Variants in CXCL9 observed in about 807,000 individuals in gnomAD.
CXCL9 encodes the protein C-X-C motif chemokine ligand 9.
In CXCL9, 8 loss-of-function variants were observed where a neutral mutation model predicts 11.7. The observed-to-expected ratio is 0.68, with a 90% CI of 0.40 to 1.23. The LOEUF is 1.23. CXCL9 is among the 50% of genes most tolerant of loss of function. The pLI, the probability that CXCL9 is intolerant of heterozygous loss-of-function variation, is 0.01. For synonymous variants in CXCL9, 43 were observed against 48.2 expected (o/e 0.89, Z 0.45); for missense variants, 133 against 141.7 (o/e 0.94, Z 0.31).
Position 76,006,148 on chromosome 4 carries a change from A to G in CXCL9, c.191T>C (p.Ile64Thr), listed in dbSNP as rs781486748. 29 of 1,612,900 alleles carry G rather than the reference A, an allele frequency of 1.8e-5. No homozygotes were observed. The highest frequency in any genetic ancestry group is 2.3e-5 in the Non-Finnish European group (27 of 1,179,198). The change falls in exon 2 of 4, where the codon ATT becomes ACT. Residue 64 changes from isoleucine (I) to threonine (T), a missense_variant and splice_region_variant. By Grantham distance (89) the Ile-to-Thr change is moderately conservative (BLOSUM62 -1). Coordinates refer to ENST00000264888, the MANE Select transcript of CXCL9 (RefSeq NM_002416.3). ...PSPSCEKIEI[I>T]ATLKNGVQTC... ...GCATGTTAGCTGGGTTGTTACTTAC[A>G]TGATTTCAATTTTCTCGCAGGAAGG...
Position 76,002,676 on chromosome 4 carries a change from T to C in CXCL9, c.*922A>G. ...TAAACACCCAAGAATTAGTTAACCA[T>C]TGAGTGTTCACCCATGTGGTACTGA... On this transcript the variant is annotated 3_prime_UTR_variant, in exon 4 of 4. Transcript: ENST00000264888. 3.6e-6 allele frequency: 1 copy of C among 274,588 alleles called. No individual in the cohort carries two copies. The highest frequency in any genetic ancestry group is 6.8e-6 in the Non-Finnish European group (1 of 148,106). 17.0% of individuals were successfully genotyped at this position (274,588 alleles called of 1,614,324 possible).
At chr4:76,007,284 A>C in intron 1 of CXCL9, 102 bp downstream of exon 1, 1 of 785,144 alleles carries the variant, frequency 1.3e-6, no homozygotes. Context: ...ACCAAATATT[A>C]CTCTTCAATG....
chr4:76,006,372 CTA>C, intron 1 of CXCL9, 98 bp from the exon 2 acceptor site: 3 of 1,228,504 alleles, frequency 2.4e-6, no homozygotes. Flanking sequence ...ATGATTATTG[CTA>C]TCATTTACCG....
chr4:76,006,528 G>C (rs184550903), intron 1 of CXCL9, among the ~76,000 whole-genome samples: 207 of 152,318 alleles, frequency 1.4e-3, no homozygotes, highest in African/African-American at 4.7e-3. Context: ...AGATCTCTCT[G>C]AGTCCAAAGG....
Position 76,003,224 on chromosome 4 carries a change from T to A in CXCL9, c.*374A>T, listed in dbSNP as rs1731510518. The A allele has an allele frequency of 5.6e-6, 1 of 179,560 alleles. No individual in the cohort carries two copies. Among genetic ancestry groups the A allele is most frequent in the African/African-American group, 2.4e-5 (1 of 41,900 alleles). The allele number at this position is 179,560 out of a possible 1,614,324, so 11.1% of individuals were successfully genotyped here. A position where few individuals can be genotyped will look rare whatever the true frequency, so the allele number is the denominator to read the frequency against. On this transcript the variant is annotated 3_prime_UTR_variant, in exon 4 of 4. Coordinates refer to ENST00000264888, the MANE Select transcript of CXCL9 (RefSeq NM_002416.3). Reference sequence around the variant, plus strand: ...AACAGGCTTAGGACTTGCTGACATGTGCCTCAGATACTCTCTGGAGGCTGC... The same window carrying A: ...AACAGGCTTAGGACTTGCTGACATGAGCCTCAGATACTCTCTGGAGGCTGC...
Position 76,003,500 on chromosome 4 carries a change from T to C in CXCL9, c.*98A>G, listed in dbSNP as rs1731515815. 3.1e-6 allele frequency: 2 copies of C among 647,514 alleles called. No individual in the cohort carries two copies. The highest frequency in any genetic ancestry group is 2.7e-6 in the Non-Finnish European group (1 of 375,310). 40.1% of individuals were successfully genotyped at this position (647,514 alleles called of 1,614,324 possible). Reference sequence around the variant, plus strand: ...GTTTTAAATTTTCTAGTCAAATTAATAAGCCTTTGTATTATATGCCATCCT... The same window carrying C: ...GTTTTAAATTTTCTAGTCAAATTAACAAGCCTTTGTATTATATGCCATCCT... On this transcript the variant is annotated 3_prime_UTR_variant, in exon 4 of 4. Coordinates refer to ENST00000264888, the MANE Select transcript of CXCL9 (RefSeq NM_002416.3).
intron 1 of CXCL9, among the ~76,000 whole-genome samples, chr4:76,007,165 C>T (rs1459627282): frequency 6.6e-6 from 1 of 152,118 alleles, no homozygotes; most frequent in Non-Finnish European, 1.5e-5. Context: ...TTATTGAACA[C>T]TTACTAGGAA....
At chr4:76,005,959 G>A (rs1731577537) in intron 2 of CXCL9, 189 bp downstream of exon 2, 1 of 505,954 alleles carries the variant, frequency 2.0e-6, no homozygotes. Context: ...TCATTCTTGG[G>A]GCCTAATCTA....
chr4:76,005,218 T>A (rs1731562659), intron 2 of CXCL9: 1 of 175,932 alleles, frequency 5.7e-6, no homozygotes, highest in Admixed American at 6.3e-5. Flanking sequence ...AGCTAATTTT[T>A]GTATTTTTAG....
intron 2 of CXCL9, 200 bp downstream of exon 2, chr4:76,005,948 G>A (rs377389170): frequency 7.6e-5 from 36 of 475,236 alleles, no homozygotes; most frequent in African/African-American, 6.5e-4. Context: ...ATAAACATGT[G>A]TCATTCTTGG....
intron 3 of CXCL9, among the ~76,000 whole-genome samples, chr4:76,004,194 T>G (rs982753161): frequency 6.6e-6 from 1 of 152,176 alleles, no homozygotes; most frequent in Admixed American, 6.5e-5. Flanking sequence ...GATCTACTTT[T>G]CTGCCTCAGT....
At chr4:76,004,708 A>G in intron 3 of CXCL9, 101 bp downstream of exon 3, 2 of 1,394,626 alleles carry the variant, frequency 1.4e-6, no homozygotes, top group Non-Finnish European at 1.9e-6. Context: ...ATGTATTCTT[A>G]AAAGTTATGT....
At position 76,007,504 on chromosome 4, in the gene CXCL9, T is replaced by C; in HGVS notation, c.-55A>G. The C allele has an allele frequency of 1.0e-6, 1 of 957,722 alleles. No individual in the cohort carries two copies. The highest frequency in any genetic ancestry group is 2.4e-5 in the East Asian group (1 of 41,970). 59.3% of individuals were successfully genotyped at this position (957,722 alleles called of 1,614,324 possible). The stretch of plus-strand genomic sequence containing the variant: ...TGTATTGGATTTTGAGCCTGAGAAA[T>C]TCTTTAGAGAACACATTTTGGGGAT... On this transcript the variant is annotated 5_prime_UTR_variant, in exon 1 of 4. Transcript: ENST00000264888.
At chr4:76,004,428 C>T (rs572582234) in intron 3 of CXCL9, among the ~76,000 whole-genome samples, 18 of 152,306 alleles carry the variant, frequency 1.2e-4, no homozygotes, top group East Asian at 7.7e-4. Flanking sequence ...TCCTCTATGT[C>T]GTCAAGATTC....
At chr4:76,004,779 A>G (rs532901786) in intron 3 of CXCL9, 30 bp downstream of exon 3, 1 of 1,583,960 alleles carries the variant, frequency 6.3e-7, no homozygotes, top group African/African-American at 1.4e-5. Flanking sequence ...TTCTAAAAGA[A>G]AGAAAATTTT....
intron 3 of CXCL9, 78 bp from the exon 4 acceptor site, chr4:76,003,777 C>A: frequency 1.2e-6 from 1 of 838,190 alleles, no homozygotes; most frequent in Admixed American, 2.0e-5. Context: ...CTCTCCTGAT[C>A]ATTGTCTCAT....
In CXCL9 at chr4:76,002,429, ATAAG is replaced by A. The variant is rs1731484308; in HGVS notation, c.*1165_*1168del. 3 of 398,490 alleles carry A rather than the reference ATAAG, an allele frequency of 7.5e-6. No individual in the cohort carries two copies. Among genetic ancestry groups the A allele is most frequent in the South Asian group, 1.3e-4 (1 of 7,854 alleles). 24.7% of individuals were successfully genotyped at this position (398,490 alleles called of 1,614,324 possible). A position where few individuals can be genotyped will look rare whatever the true frequency, so the allele number is the denominator to read the frequency against. On this transcript the variant is annotated 3_prime_UTR_variant, in exon 4 of 4. Coordinates refer to ENST00000264888, the MANE Select transcript of CXCL9 (RefSeq NM_002416.3). ...CCCTGTAGTGAGTGTCCTGAAGATA[ATAAG>A]TAAGAGGTTACCAGAGGCTAGCCAA... is the stretch of plus-strand genomic sequence containing the variant.
At chr4:76,005,776 C>G (rs558357679) in intron 2 of CXCL9, 1 of 176,424 alleles carries the variant, frequency 5.7e-6, no homozygotes, top group East Asian at 1.6e-4. Context: ...TGCTTATATA[C>G]GTGTATGTAA....
Position 76,002,924 on chromosome 4 carries a change from A to C in CXCL9, c.*674T>G, listed in dbSNP as rs1731503716. On this transcript the variant is annotated 3_prime_UTR_variant, in exon 4 of 4. Coordinates refer to ENST00000264888, the MANE Select transcript of CXCL9 (RefSeq NM_002416.3). ...GCACTGCATTGTGGTAGGATGGAGA[A>C]GAGCTGACTTGAATGAAGCAAAGGG... 6.6e-6 allele frequency: 1 copy of C among 152,544 alleles called. No homozygotes were observed. The highest frequency in any genetic ancestry group is 1.5e-5 in the Non-Finnish European group (1 of 68,228). The allele number at this position is 152,544 out of a possible 1,614,324, so 9.4% of individuals were successfully genotyped here. A position where few individuals can be genotyped will look rare whatever the true frequency, so the allele number is the denominator to read the frequency against.
Sources: gnomAD v4.1 joint callset for allele counts (sites outside exome capture counted in the v4.1 genomes callset) on GRCh38, gnomAD v4.1.1 for gene constraint, MANE v1.5 for transcripts, NCBI Gene and HGNC (gene_info 2026-07-23, HGNC 2026-07-21) for gene names.